The following ZSWIM6 variants were observed in gnomAD, a reference collection of about 807,000 sequenced individuals.
The protein encoded by ZSWIM6 is zinc finger SWIM domain-containing protein 6.
ZSWIM6 carries 9 observed loss-of-function variants against 113.2 expected under a neutral mutation model. The ratio of observed to expected loss-of-function variants is 0.08; its 90% CI spans 0.05 to 0.14. ZSWIM6 has a LOEUF of 0.14. ZSWIM6 is among the 10% of genes least tolerant of loss of function. The pLI is 1.00. For synonymous variants in ZSWIM6, 611 were observed against 606.5 expected (o/e 1.01, Z -0.11); for missense variants, 1,162 against 1,552.2 (o/e 0.75, Z 4.22).
chr5:61,473,871 A>G (rs1747642174), intron 2 of ZSWIM6, among the ~76,000 whole-genome samples: 1 of 152,214 alleles, frequency 6.6e-6, no homozygotes, highest in Admixed American at 6.5e-5. Flanking sequence ...TAGTCTCTCA[A>G]CCCTATTCTT....
At chr5:61,474,161 G>GT (rs1409656728) in intron 2 of ZSWIM6, among the ~76,000 whole-genome samples, 1 of 152,110 alleles carries the variant, frequency 6.6e-6, no homozygotes, top group Non-Finnish European at 1.5e-5. Context: ...TTCTTTGGCG[G>GT]TTTGTGTTTT....
At chr5:61,499,444 C>A (rs1294363407) in intron 4 of ZSWIM6, among the ~76,000 whole-genome samples, 3 of 151,898 alleles carry the variant, frequency 2.0e-5, no homozygotes, top group Admixed American at 2.0e-4. Flanking sequence ...GGTGATAGTA[C>A]CAGTAGCAAG....
At chr5:61,517,133 A>C (rs1287236504) in intron 4 of ZSWIM6, among the ~76,000 whole-genome samples, 4 of 151,734 alleles carry the variant, frequency 2.6e-5, no homozygotes, top group African/African-American at 9.7e-5. Flanking sequence ...CTTTGAGTTT[A>C]TCTTATTTGA....
intron 1 of ZSWIM6, chr5:61,391,504 T>C (rs1424781841): frequency 7.9e-7 from 1 of 1,261,618 alleles, no homozygotes. Flanking sequence ...CTTAGATTTA[T>C]GCCGGTTTTT....
At chr5:61,463,314 GTA>G (rs1747355948) in intron 1 of ZSWIM6, among the ~76,000 whole-genome samples, 1 of 152,256 alleles carries the variant, frequency 6.6e-6, no homozygotes, top group African/African-American at 2.4e-5. Context: ...GCAAGATATT[GTA>G]TATATTTTTA....
intron 1 of ZSWIM6, among the ~76,000 whole-genome samples, chr5:61,434,157 AATAT>A (rs1236372408): frequency 6.8e-6 from 1 of 147,494 alleles, no homozygotes; most frequent in Non-Finnish European, 1.5e-5. Context: ...CATATATATA[AATAT>A]ATGTATTATA....
At position 61,531,730 on chromosome 5, in the gene ZSWIM6, C is replaced by T; in HGVS notation, c.2245+5C>T. The T allele has an allele frequency of 1.9e-6, 3 of 1,550,760 alleles. No individual in the cohort carries two copies. The highest frequency in any genetic ancestry group is 2.6e-6 in the Non-Finnish European group (3 of 1,146,354). ...AAGCAGTCTTCCTATTAGAAGGTAG[C>T]CTGATACAGAAGTTTTCCACTTATT... On this transcript the variant is annotated splice_donor_5th_base_variant and intron_variant, in intron 9 of 13. Coordinates refer to ENST00000252744, the MANE Select transcript of ZSWIM6 (RefSeq NM_020928.2).
At chr5:61,357,695 A>T (rs1744943820) in intron 1 of ZSWIM6, among the ~76,000 whole-genome samples, 1 of 152,056 alleles carries the variant, frequency 6.6e-6, no homozygotes, top group Admixed American at 6.6e-5. Context: ...AGTTTAAAAC[A>T]AAACATTCTA....
intron 2 of ZSWIM6, among the ~76,000 whole-genome samples, chr5:61,477,646 C>T (rs1453366294): frequency 1.3e-5 from 2 of 152,126 alleles, no homozygotes; most frequent in Admixed American, 6.5e-5. Context: ...GTGTCCTGGC[C>T]GCCTTGTATA....
chr5:61,391,907 G>A (rs1745725540), intron 1 of ZSWIM6: 2 of 576,884 alleles, frequency 3.5e-6, no homozygotes, highest in African/African-American at 3.8e-5. Context: ...GCAAAAAATG[G>A]TATTTTCAAA....
intron 1 of ZSWIM6, among the ~76,000 whole-genome samples, chr5:61,364,093 GA>G (rs764151191): frequency 5.4e-5 from 8 of 148,718 alleles, no homozygotes; most frequent in Non-Finnish European, 8.9e-5. Flanking sequence ...CACCCAGGTT[GA>G]AATGCAGTGG....
Position 61,453,045 on chromosome 5 carries a change from A to G in ZSWIM6, c.677-19636A>G, listed in dbSNP as rs1052067073. Among the ~76,000 whole-genome samples, 7 of 152,300 alleles carry G rather than the reference A, an allele frequency of 4.6e-5. No homozygotes were observed. The East Asian group carries it at 1.4e-3, about 29-fold the overall frequency. ...ACAGAAGTGATGGAGTGTACTTCTCATTGCATTGTATCAGGGAAGTACATG... is the reference window on the plus strand; with the variant it reads ...ACAGAAGTGATGGAGTGTACTTCTCGTTGCATTGTATCAGGGAAGTACATG... On this transcript the variant is annotated intron_variant, in intron 1 of 13. Transcript: ENST00000252744.
chr5:61,397,581 T>C (rs1745863856), intron 1 of ZSWIM6, among the ~76,000 whole-genome samples: 2 of 152,168 alleles, frequency 1.3e-5, no homozygotes, highest in African/African-American at 4.8e-5. Context: ...GTTTACTTTG[T>C]TTTAAAAACA....
intron 1 of ZSWIM6, among the ~76,000 whole-genome samples, chr5:61,387,411 C>T (rs1462463966): frequency 6.6e-6 from 1 of 152,222 alleles, no homozygotes; most frequent in African/African-American, 2.4e-5. Flanking sequence ...TGCCTTTAAT[C>T]TCAGCACTGT....
At chr5:61,421,443 AT>A (rs1332747039) in intron 1 of ZSWIM6, among the ~76,000 whole-genome samples, 9 of 152,070 alleles carry the variant, frequency 5.9e-5, no homozygotes, top group Non-Finnish European at 1.3e-4. Flanking sequence ...ATAGGATCTC[AT>A]TTTTTCATGG....
chr5:61,460,270 G>A (rs1747295784), intron 1 of ZSWIM6, among the ~76,000 whole-genome samples: 1 of 152,072 alleles, frequency 6.6e-6, no homozygotes, highest in African/African-American at 2.4e-5. Flanking sequence ...TGAGCCCATA[G>A]TTCTGTTTAT....
At chr5:61,343,808 T>C (rs1744597364) in intron 1 of ZSWIM6, among the ~76,000 whole-genome samples, 1 of 152,096 alleles carries the variant, frequency 6.6e-6, no homozygotes, top group African/African-American at 2.4e-5. Flanking sequence ...CTTTTAAATA[T>C]GTAATATGTT....
In ZSWIM6 at chr5:61,525,982, T is replaced by C; in HGVS notation, c.1690+6T>C. 1.3e-6 allele frequency: 2 copies of C among 1,551,938 alleles called. No homozygotes were observed. Among genetic ancestry groups the C allele is most frequent in the Non-Finnish European group, 1.7e-6 (2 of 1,146,922 alleles). On this transcript the variant is annotated splice_donor_region_variant and intron_variant, in intron 6 of 13. Transcript: ENST00000252744. ...CGGGTGGCCCCTCTGGCATGGTAAG[T>C]GACCAAACCGGAAAGACATTTCCAT... is the stretch of plus-strand genomic sequence containing the variant.
chr5:61,514,633 A>T (rs542056761), intron 4 of ZSWIM6, among the ~76,000 whole-genome samples: 85 of 152,210 alleles, frequency 5.6e-4, no homozygotes, highest in African/African-American at 2.0e-3. Flanking sequence ...TGAGATTATT[A>T]TATGGTTTTT....
Sources: gnomAD v4.1 joint callset for allele counts (sites outside exome capture counted in the v4.1 genomes callset) on GRCh38, gnomAD v4.1.1 for gene constraint, MANE v1.5 for transcripts, NCBI Gene and HGNC (gene_info 2026-07-23, HGNC 2026-07-21) for gene names.